The following CASZ1 variants were observed in gnomAD, a reference collection of about 807,000 sequenced individuals.
CASZ1 encodes the protein zinc finger protein castor homolog 1.
CASZ1 carries 28 observed loss-of-function variants against 135.2 expected under a neutral mutation model. The ratio of observed to expected loss-of-function variants is 0.21; its 90% CI spans 0.15 to 0.28. The LOEUF is 0.28. Ranked by LOEUF, CASZ1 falls within the 10% of genes least tolerant of loss-of-function variation. The pLI, the probability that CASZ1 is intolerant of heterozygous loss-of-function variation, is 1.00. For synonymous variants in CASZ1, 1,068 were observed against 1,073.4 expected (o/e 0.99, Z 0.10); for missense variants, 2,161 against 2,453.3 (o/e 0.88, Z 2.52).
chr1:10,742,074 C>A (rs142260749), intron 2 of CASZ1, among the ~76,000 whole-genome samples: 26 of 152,150 alleles, frequency 1.7e-4, no homozygotes, highest in African/African-American at 6.3e-4. Flanking sequence ...ACAGGGTCCA[C>A]GGCTGCAAGT....
rs1210537494 is a variant in CASZ1, at chr1:10,711,790, A to G, written c.-76-6246T>C. On this transcript the variant is annotated intron_variant, in intron 2 of 20. Coordinates refer to ENST00000377022, the MANE Select transcript of CASZ1 (RefSeq NM_001079843.3). The surrounding 1 kb of genome is among the most constrained non-coding windows in gnomAD (Gnocchi z 4.4). Reference sequence around the variant, plus strand: ...CTGATATGGGCTACAATGTGGATAGACCTGGAAATGTTGAACGAGAAAGGA... The same window carrying G: ...CTGATATGGGCTACAATGTGGATAGGCCTGGAAATGTTGAACGAGAAAGGA... Among the ~76,000 whole-genome samples the G allele has an allele frequency of 6.6e-6, 1 of 152,160 alleles. No homozygotes were observed. The highest frequency in any genetic ancestry group is 6.5e-5 in the Admixed American group (1 of 15,280).
Position 10,646,390 on chromosome 1 carries a change from A to G in CASZ1, c.3498-64T>C, listed in dbSNP as rs1373907563. The G allele has an allele frequency of 3.3e-5, 51 of 1,526,330 alleles. No homozygotes were observed. The highest frequency in any genetic ancestry group is 4.3e-5 in the Non-Finnish European group (48 of 1,110,556). 94.5% of individuals were successfully genotyped at this position (1,526,330 alleles called of 1,614,324 possible). ...TCAAGCCCTCCCTGCTGGTGTCCTGACTTCACTTGTGTTGGAGTTCACTCC... is the reference window on the plus strand; with the variant it reads ...TCAAGCCCTCCCTGCTGGTGTCCTGGCTTCACTTGTGTTGGAGTTCACTCC... On this transcript the variant is annotated intron_variant, in intron 16 of 20. Coordinates refer to ENST00000377022, the MANE Select transcript of CASZ1 (RefSeq NM_001079843.3). This position sits in a 1 kb window ranked among gnomAD's most constrained non-coding sequence, Gnocchi z 6.4.
At chr1:10,715,249 T>C (rs1042528033) in intron 2 of CASZ1, among the ~76,000 whole-genome samples, 2 of 152,140 alleles carry the variant, frequency 1.3e-5, no homozygotes, top group Non-Finnish European at 2.9e-5. Flanking sequence ...CTCGGCCATG[T>C]TTGGGGACAA....
At chr1:10,745,963 G>A (rs1160766553) in intron 2 of CASZ1, among the ~76,000 whole-genome samples, 2 of 152,234 alleles carry the variant, frequency 1.3e-5, no homozygotes, top group South Asian at 2.1e-4. Context: ...CCGCCCTGGG[G>A]GATCGCCTTA....
intron 1 of CASZ1, among the ~76,000 whole-genome samples, chr1:10,785,598 C>T (rs369494894): frequency 2.4e-4 from 36 of 152,362 alleles, no homozygotes; most frequent in African/African-American, 6.7e-4. Flanking sequence ...CTCCTGGCCC[C>T]GCCCTGCCTG....
chr1:10,638,759 C>T lies in CASZ1; in HGVS notation c.*183G>A, dbSNP rs1642081212. The T allele has an allele frequency of 2.0e-6, 1 of 505,766 alleles. No homozygotes were observed. Among genetic ancestry groups the T allele is most frequent in the Non-Finnish European group, 2.5e-6 (1 of 392,560 alleles). 31.3% of individuals were successfully genotyped at this position (505,766 alleles called of 1,614,324 possible). ...ACCCGGCCTCCCTAGAGCAGGGCCA[C>T]CGCCGCCGCCTGTGTCCTCGGCCGC... On this transcript the variant is annotated 3_prime_UTR_variant, in exon 21 of 21. Transcript: ENST00000377022. This position sits in a 1 kb window ranked among gnomAD's most constrained non-coding sequence, Gnocchi z 5.9.
At chr1:10,775,354 C>T (rs369537929) in intron 1 of CASZ1, among the ~76,000 whole-genome samples, 86 of 152,208 alleles carry the variant, frequency 5.7e-4, no homozygotes, top group Admixed American at 1.4e-3. Context: ...CAGGTTCAGA[C>T]GACTTGATTT....
In CASZ1 at chr1:10,647,916, G is replaced by C; in HGVS notation, c.3382C>G (p.Gln1128Glu). ...AWKQLASTIPQMPQIPASVPH... is the reference protein window; with the variant it reads ...AWKQLASTIPEMPQIPASVPH... ...ACTGACGCTGGGATCTGAGGCATCT[G>C]GGGTATGGTGGAAGCCAGCTGCTTC... Residue 1128 changes from glutamine to glutamate, a missense_variant, in exon 16 of 21, where the codon CAG (glutamine) becomes GAG (glutamate). Gln to Glu is a conservative substitution (Grantham distance 29). Transcript: ENST00000377022. This position sits in a 1 kb window ranked among gnomAD's most constrained non-coding sequence, Gnocchi z 4.9. The C allele has an allele frequency of 6.2e-7, 1 of 1,613,786 alleles. No homozygotes were observed. Among genetic ancestry groups the C allele is most frequent in the Non-Finnish European group, 8.5e-7 (1 of 1,179,970 alleles).
At chr1:10,790,809 T>C (rs1776216) in intron 1 of CASZ1, among the ~76,000 whole-genome samples, 149,194 of 152,144 alleles carry the variant, frequency 0.98, 73,163 homozygotes, top group Middle Eastern at 1. Flanking sequence ...GGGGAGAGGA[T>C]GGTATAAATG....
intron 4 of CASZ1, among the ~76,000 whole-genome samples, chr1:10,686,747 A>G (rs994512034): frequency 6.6e-6 from 1 of 152,252 alleles, no homozygotes; most frequent in African/African-American, 2.4e-5. Flanking sequence ...AGATGATTAA[A>G]CAGGTCACCC....
chr1:10,658,603 C>G, intron 6 of CASZ1, 27 bp from the exon 7 acceptor site: 1 of 1,609,038 alleles, frequency 6.2e-7, no homozygotes, highest in Non-Finnish European at 8.5e-7. Context: ...AGGGCACAGC[C>G]GGTGAGCAGA....
Position 10,739,116 on chromosome 1 carries a change from AG to A in CASZ1, c.-77+21584del, listed in dbSNP as rs1422332069. Among the ~76,000 whole-genome samples the A allele has an allele frequency of 2.0e-5, 3 of 152,054 alleles. No homozygotes were observed. The highest frequency in any genetic ancestry group is 4.4e-5 in the Non-Finnish European group (3 of 68,004). ...GGGGTCCGGGGGAAGAAGGAAAAAAAGCAACAACAATAACGAGAAACAAGTC... is the reference window on the plus strand; with the variant it reads ...GGGGTCCGGGGGAAGAAGGAAAAAAACAACAACAATAACGAGAAACAAGTC... On this transcript the variant is annotated intron_variant, in intron 2 of 20. Coordinates refer to ENST00000377022, the MANE Select transcript of CASZ1 (RefSeq NM_001079843.3). This position sits in a 1 kb window ranked among gnomAD's most constrained non-coding sequence, Gnocchi z 4.8.
At position 10,730,258 on chromosome 1, in the gene CASZ1, C is replaced by A. The variant is rs1202716103; in HGVS notation, c.-76-24714G>T. On this transcript the variant is annotated intron_variant, in intron 2 of 20. Coordinates refer to ENST00000377022, the MANE Select transcript of CASZ1 (RefSeq NM_001079843.3). ...CCCGAGTAGCTGGAATTACAGGTGC[C>A]CACCACCTCAGGTGATCTGCCCGCC... 3.3e-5 allele frequency among the ~76,000 whole-genome samples: 5 copies of A among 151,844 alleles called. No homozygotes were observed. The East Asian group carries it at 7.7e-4, about 24-fold the overall frequency.
At chr1:10,753,728 C>G (rs1640191728) in intron 2 of CASZ1, among the ~76,000 whole-genome samples, 1 of 152,190 alleles carries the variant, frequency 6.6e-6, no homozygotes, top group African/African-American at 2.4e-5. Context: ...TGTGCCCTCT[C>G]TGCCCGCTCC....
In CASZ1 at chr1:10,665,158, C is replaced by A. The variant is rs779584106; in HGVS notation, c.430G>T (p.Gly144Cys). 2 of 1,546,990 alleles carry A rather than the reference C, an allele frequency of 1.3e-6. No individual in the cohort carries two copies. Among genetic ancestry groups the A allele is most frequent in the African/African-American group, 2.7e-5 (2 of 73,258 alleles). The change falls in exon 5 of 21, where the codon GGT becomes TGT. Residue 144 changes from glycine (G) to cysteine (C), a missense_variant. Physicochemically the swap from Gly to Cys is radical, Grantham distance 159. This residue lies in a region of CASZ1 where 590 missense variants were observed against 609.8 expected (regional missense o/e 0.97). Coordinates refer to ENST00000377022, the MANE Select transcript of CASZ1 (RefSeq NM_001079843.3). ...DHAEEPSKDG[G>C]ALEEKDSDGA... The stretch of plus-strand genomic sequence containing the variant: ...TCCGAATCCTTCTCCTCCAGGGCAC[C>A]GCCGTCCTTGGAGGGCTCCTCCGCG...
chr1:10,684,100 T>C (rs1181185064), intron 4 of CASZ1, among the ~76,000 whole-genome samples: 5 of 150,216 alleles, frequency 3.3e-5, no homozygotes, highest in Admixed American at 6.6e-5. Context: ...CTTGTCTTCC[T>C]CCAAGGGAAC....
At position 10,755,260 on chromosome 1, in the gene CASZ1, C is replaced by G. The variant is rs1640229227; in HGVS notation, c.-77+5441G>C. The stretch of plus-strand genomic sequence containing the variant: ...GACCAGGCTTATCCCTGGGTAGATT[C>G]CAGAACAAAAGCACATGGGGGAACC... On this transcript the variant is annotated intron_variant, in intron 2 of 20. Coordinates refer to ENST00000377022, the MANE Select transcript of CASZ1 (RefSeq NM_001079843.3). This position sits in a 1 kb window ranked among gnomAD's most constrained non-coding sequence, Gnocchi z 4.3. Among the ~76,000 whole-genome samples the G allele has an allele frequency of 6.6e-6, 1 of 152,176 alleles. No homozygotes were observed. The highest frequency in any genetic ancestry group is 2.1e-4 in the South Asian group (1 of 4,828).
rs1159637535 is a variant in CASZ1, at chr1:10,794,917, G to A, written c.-234+1647C>T. 1.3e-5 allele frequency among the ~76,000 whole-genome samples: 2 copies of A among 150,642 alleles called. No homozygotes were observed. The highest frequency in any genetic ancestry group is 1.5e-5 in the Non-Finnish European group (1 of 67,582). On this transcript the variant is annotated intron_variant, in intron 1 of 20. Coordinates refer to ENST00000377022, the MANE Select transcript of CASZ1 (RefSeq NM_001079843.3). The surrounding 1 kb of genome is among the most constrained non-coding windows in gnomAD (Gnocchi z 5.6). The stretch of plus-strand genomic sequence containing the variant: ...GCCCGCGCCCGGCCAGCCCCCGCCA[G>A]CGGCCCCAGCGCGCCTCTGCCCGCA...
At chr1:10,703,182 G>T (rs1301099419) in intron 3 of CASZ1, among the ~76,000 whole-genome samples, 1 of 152,162 alleles carries the variant, frequency 6.6e-6, no homozygotes, top group East Asian at 1.9e-4. Context: ...CAGACCTCTG[G>T]CCGCGGCCGC....
Sources: gnomAD v4.1 joint callset for allele counts (sites outside exome capture counted in the v4.1 genomes callset) on GRCh38, gnomAD v4.1.1 for gene constraint, gnomAD v4.1.1 regional missense constraint, Gnocchi (gnomAD v3.1) non-coding constraint, MANE v1.5 for transcripts, NCBI Gene and HGNC (gene_info 2026-07-23, HGNC 2026-07-21) for gene names.